The following DNAH17 variants were observed in gnomAD, a reference collection of about 807,000 sequenced individuals.
DNAH17 encodes the protein axonemal beta dynein heavy chain 17.
A neutral mutation model predicts 485.6 loss-of-function variants in DNAH17; 376 were observed. The ratio of observed to expected loss-of-function variants is 0.77; its 90% CI spans 0.71 to 0.84. The LOEUF (loss-of-function observed/expected upper bound fraction) is 0.84, where lower values mean the gene tolerates loss of function less well. DNAH17 is among the 40% of genes least tolerant of loss of function. The pLI, the probability that DNAH17 is intolerant of heterozygous loss-of-function variation, is 0.00. For missense variants in DNAH17, 6,370 were observed against 5,839.3 expected (o/e 1.09, Z -2.96); for synonymous variants, 3,031 against 2,405.9 (o/e 1.26, Z -7.60).
intron 62 of DNAH17, among the ~76,000 whole-genome samples, chr17:78,458,300 A>C (rs35109504): frequency 0.12 from 17,756 of 152,270 alleles, 1,332 homozygotes; most frequent in Admixed American, 0.24. Flanking sequence ...ATGACCGAGT[A>C]ATGCCCCGGA....
chr17:78,493,880 G>A, intron 41 of DNAH17, 156 bp downstream of exon 41: 1 of 1,110,234 alleles, frequency 9.0e-7, no homozygotes, highest in Non-Finnish European at 1.2e-6. Flanking sequence ...TCGGCCCCCA[G>A]CTTCCTCCCT....
chr17:78,443,089 G>GCA (rs1352499854), intron 71 of DNAH17, among the ~76,000 whole-genome samples: 1 of 152,222 alleles, frequency 6.6e-6, no homozygotes, highest in Non-Finnish European at 1.5e-5. Context: ...CCACCGCAGA[G>GCA]CACGCAAATG....
At chr17:78,569,702 G>A (rs2092322358) in intron 7 of DNAH17, among the ~76,000 whole-genome samples, 175 bp from the exon 8 acceptor site, 3 of 152,326 alleles carry the variant, frequency 2.0e-5, no homozygotes, top group Admixed American at 6.5e-5. Context: ...TCCCCTCCTC[G>A]GCCCCTCATC....
chr17:78,531,267 G>A (rs1330179414), intron 20 of DNAH17, among the ~76,000 whole-genome samples: 1 of 151,690 alleles, frequency 6.6e-6, no homozygotes, highest in East Asian at 1.9e-4. Flanking sequence ...TCCTCTCGCT[G>A]AGTTGATCCT....
intron 10 of DNAH17, 54 bp downstream of exon 10, chr17:78,566,945 G>A (rs2092277156): frequency 1.3e-6 from 2 of 1,555,780 alleles, no homozygotes; most frequent in Non-Finnish European, 1.7e-6. Context: ...CTGGTACCGA[G>A]GCTGGTGCTG....
intron 71 of DNAH17, among the ~76,000 whole-genome samples, chr17:78,442,907 G>A (rs1324091768): frequency 1.3e-5 from 2 of 152,312 alleles, no homozygotes; most frequent in African/African-American, 2.4e-5. Context: ...GACACCCTTG[G>A]CCAGTGCTGG....
At chr17:78,541,377 G>C (rs2091581241) in intron 17 of DNAH17, among the ~76,000 whole-genome samples, 1 of 148,418 alleles carries the variant, frequency 6.7e-6, no homozygotes, top group Non-Finnish European at 1.5e-5. Context: ...AGATGTGTAA[G>C]TGGATGGATG....
chr17:78,442,503 G>A (rs1292777939), intron 71 of DNAH17, among the ~76,000 whole-genome samples: 1 of 152,232 alleles, frequency 6.6e-6, no homozygotes, highest in Non-Finnish European at 1.5e-5. Flanking sequence ...CCTTGTCTAG[G>A]AAGGAACTTC....
chr17:78,473,254 G>A (rs1435799133), intron 54 of DNAH17, among the ~76,000 whole-genome samples: 2 of 152,170 alleles, frequency 1.3e-5, no homozygotes, highest in Non-Finnish European at 2.9e-5. Flanking sequence ...CTTAAGAAAT[G>A]ACAGTGATGG....
chr17:78,446,042 T>C (rs1035050754), intron 69 of DNAH17, among the ~76,000 whole-genome samples: 2 of 151,608 alleles, frequency 1.3e-5, no homozygotes, highest in Non-Finnish European at 2.9e-5. Context: ...GGCGTGGTGG[T>C]GCATGCCTGT....
In DNAH17 at chr17:78,575,054, T is replaced by A. The variant is rs563195140; in HGVS notation, c.4A>T (p.Thr2Ser). The change falls in exon 2 of 81, where the codon ACA becomes TCA. Residue 2 changes from threonine to serine, a missense_variant. Transcript: ENST00000389840. The stretch of plus-strand genomic sequence containing the variant: ...TCTAGTCTGACGTCCGGGGCCATTG[T>A]CATCTTGGCCTTTCCTTACACTGTG... MTMAPDVRLEYL... is the reference protein window; with the variant it reads MSMAPDVRLEYL... 6.2e-7 allele frequency: 1 copy of A among 1,611,584 alleles called. No individual in the cohort carries two copies. The highest frequency in any genetic ancestry group is 1.3e-5 in the African/African-American group (1 of 74,958).
intron 19 of DNAH17, among the ~76,000 whole-genome samples, chr17:78,533,874 C>T (rs2091304275): frequency 6.6e-6 from 1 of 151,948 alleles, no homozygotes; most frequent in Non-Finnish European, 1.5e-5. Flanking sequence ...TTATTAGAGG[C>T]GGGGTTTCAC....
chr17:78,548,181 T>A (rs117705001), intron 16 of DNAH17, among the ~76,000 whole-genome samples: 3,232 of 150,952 alleles, frequency 0.021, 58 homozygotes, highest in Non-Finnish European at 0.035. Flanking sequence ...CATTCTGTTG[T>A]TATTTCGTAG....
Position 78,552,724 on chromosome 17 carries a change from C to T in DNAH17, c.2260G>A (p.Glu754Lys), listed in dbSNP as rs1204987271. 1 of 1,613,898 alleles carries T rather than the reference C, an allele frequency of 6.2e-7. No individual in the cohort carries two copies. Among genetic ancestry groups the T allele is most frequent in the Admixed American group, 1.7e-5 (1 of 60,024 alleles). ...EAIDVKLLSA[E>K]TTLFWNGEGV... Reference sequence around the variant, plus strand: ...TCGCCATTCCAGAATAATGTCGTTTCAGCGCTCAATAACTTGACATCAATT... The same window carrying T: ...TCGCCATTCCAGAATAATGTCGTTTTAGCGCTCAATAACTTGACATCAATT... Residue 754 changes from glutamate (E) to lysine (K), a missense_variant, in exon 15 of 81, where the codon GAA (glutamate) becomes AAA (lysine). Physicochemically the swap from Glu to Lys is moderately conservative, Grantham distance 56. Transcript: ENST00000389840.
chr17:78,449,653 C>T (rs1287883279), intron 68 of DNAH17, 69 bp from the exon 69 acceptor site: 7 of 1,314,286 alleles, frequency 5.3e-6, no homozygotes, highest in Non-Finnish European at 7.3e-6. Flanking sequence ...CCCGCCACCA[C>T]TCCCTGCCAC....
chr17:78,450,677 C>G lies in DNAH17; in HGVS notation c.10899+5G>C. On this transcript the variant is annotated splice_donor_5th_base_variant and intron_variant, in intron 67 of 80. Coordinates refer to ENST00000389840, the MANE Select transcript of DNAH17 (RefSeq NM_173628.4). ...GCCAGGGCACGTCACCGAGGCAGCT[C>G]TGACCTTCTCCTCGATCTCGCTGGC... 1 of 1,611,328 alleles carries G rather than the reference C, an allele frequency of 6.2e-7. No homozygotes were observed. Among genetic ancestry groups the G allele is most frequent in the Non-Finnish European group, 8.5e-7 (1 of 1,178,922 alleles).
chr17:78,475,951 G>A (rs926199592), intron 52 of DNAH17, 118 bp from the exon 53 acceptor site: 9 of 1,196,086 alleles, frequency 7.5e-6, no homozygotes, highest in African/African-American at 3.1e-5. Flanking sequence ...GGGGTCCCAG[G>A]CCAAGTCTCC....
chr17:78,473,053 C>T (rs974140148), intron 54 of DNAH17, among the ~76,000 whole-genome samples: 13 of 152,242 alleles, frequency 8.5e-5, no homozygotes, highest in South Asian at 4.1e-4. Context: ...CCACAGCTTC[C>T]GGGACCTACT....
At chr17:78,439,692 T>G (rs7222668) in intron 72 of DNAH17, among the ~76,000 whole-genome samples, 2 of 125,338 alleles carry the variant, frequency 1.6e-5, no homozygotes, top group South Asian at 5.1e-4. Flanking sequence ...TTTTTTGAGA[T>G]GGAGTCTCAC....
Sources: allele counts gnomAD v4.1 joint callset (sites outside exome capture counted in the v4.1 genomes callset), GRCh38; gene constraint gnomAD v4.1.1; transcripts MANE v1.5; gene names NCBI Gene and HGNC (gene_info 2026-07-23, HGNC 2026-07-21).